Variants in RPS6KC1 observed in about 807,000 individuals in gnomAD.
RPS6KC1 encodes the protein inactive ribosomal protein S6 kinase delta-1.
A neutral mutation model predicts 103.8 loss-of-function variants in RPS6KC1; 54 were observed. That is an observed-to-expected ratio of 0.52 (90% CI 0.42 to 0.65). The LOEUF is 0.65. RPS6KC1 is among the 30% of genes least tolerant of loss of function. The pLI is 0.00. For missense variants in RPS6KC1, 1,151 were observed against 1,253.8 expected (o/e 0.92, Z 1.24); for synonymous variants, 439 against 438.7 (o/e 1.00, Z -0.01).
the RPS6KC1 span, among the ~76,000 whole-genome samples, chr1:213,808,186 A>G: frequency 1.5e-5 from 2 of 131,804 alleles, no homozygotes; most frequent in South Asian, 2.4e-4. Flanking sequence ...GTCTGCCCCT[A>G]CTGGGGGGGT....
At chr1:213,831,147 T>G in the RPS6KC1 span, among the ~76,000 whole-genome samples, 1 of 152,190 alleles carries the variant, frequency 6.6e-6, no homozygotes, top group Non-Finnish European at 1.5e-5. Context: ...TTCTCTCTGG[T>G]GGTAGGCAGA....
chr1:213,684,265 C>T, the RPS6KC1 span, among the ~76,000 whole-genome samples: 2 of 152,100 alleles, frequency 1.3e-5, no homozygotes, highest in African/African-American at 4.8e-5. Context: ...CACAGCAACC[C>T]GGGGAGCTTT....
intron 8 of RPS6KC1, among the ~76,000 whole-genome samples, chr1:213,216,296 A>C (rs2093657644): frequency 6.6e-6 from 1 of 152,238 alleles, no homozygotes; most frequent in Non-Finnish European, 1.5e-5. Context: ...CATAATGGTA[A>C]AGGGATCAAT....
At chr1:213,841,495 C>T in the RPS6KC1 span, 1 of 152,154 alleles carries the variant, frequency 6.6e-6, no homozygotes, top group Admixed American at 6.5e-5. Flanking sequence ...GACAGCCAAG[C>T]AAACCATGAA....
chr1:213,143,456 A>G (rs370170796), intron 6 of RPS6KC1, among the ~76,000 whole-genome samples: 5 of 151,342 alleles, frequency 3.3e-5, no homozygotes, highest in South Asian at 2.1e-4. Flanking sequence ...TATTTTATAG[A>G]TTTGTATTCC....
chr1:213,704,395 A>AC, the RPS6KC1 span, among the ~76,000 whole-genome samples: 2 of 149,794 alleles, frequency 1.3e-5, no homozygotes, highest in East Asian at 1.9e-4. Flanking sequence ...CAAAAAAAAA[A>AC]AAAAAAAAAA....
chr1:213,120,989 G>A (rs1026386796), intron 5 of RPS6KC1, among the ~76,000 whole-genome samples: 1 of 152,198 alleles, frequency 6.6e-6, no homozygotes. Flanking sequence ...GTCTCACCGT[G>A]TTACCCAGGC....
chr1:213,227,170 T>C (rs1219001056), intron 8 of RPS6KC1, among the ~76,000 whole-genome samples: 1 of 152,220 alleles, frequency 6.6e-6, no homozygotes, highest in East Asian at 1.9e-4. Context: ...GTGCCTGATA[T>C]AAAGGAAGTG....
chr1:213,402,140 A>G, the RPS6KC1 span, among the ~76,000 whole-genome samples: 8 of 152,206 alleles, frequency 5.3e-5, no homozygotes, highest in Non-Finnish European at 1.0e-4. Context: ...CCAAGGAGCC[A>G]GGAGTGGTGT....
At chr1:213,514,123 G>T in the RPS6KC1 span, among the ~76,000 whole-genome samples, 2 of 152,182 alleles carry the variant, frequency 1.3e-5, no homozygotes, top group African/African-American at 2.4e-5. Flanking sequence ...AAATTCTAAA[G>T]TGTCTCATTT....
At chr1:213,117,746 G>T (rs2083830769) in intron 5 of RPS6KC1, among the ~76,000 whole-genome samples, 1 of 151,778 alleles carries the variant, frequency 6.6e-6, no homozygotes, top group Non-Finnish European at 1.5e-5. Flanking sequence ...TACTTGGCCA[G>T]GCATGGTGGC....
chr1:213,677,368 C>G, the RPS6KC1 span, among the ~76,000 whole-genome samples: 1 of 152,126 alleles, frequency 6.6e-6, no homozygotes, highest in Non-Finnish European at 1.5e-5. Context: ...CTCGGGAGAT[C>G]CATTTATAAA....
chr1:213,310,140 C>CA, the RPS6KC1 span, among the ~76,000 whole-genome samples: 1 of 152,178 alleles, frequency 6.6e-6, no homozygotes, highest in African/African-American at 2.4e-5. Context: ...AGTGGCTTTC[C>CA]AATTGGTTTC....
At chr1:213,435,197 C>T in the RPS6KC1 span, among the ~76,000 whole-genome samples, 2 of 152,158 alleles carry the variant, frequency 1.3e-5, no homozygotes, top group African/African-American at 2.4e-5. Flanking sequence ...CCATCTCAGA[C>T]ATTGTAGTTT....
chr1:213,304,005 A>G, the RPS6KC1 span, among the ~76,000 whole-genome samples: 1 of 151,486 alleles, frequency 6.6e-6, no homozygotes, highest in Non-Finnish European at 1.5e-5. Context: ...GGAGATCGAG[A>G]CCATCCCGGC....
At chr1:213,621,283 C>T in the RPS6KC1 span, among the ~76,000 whole-genome samples, 1 of 152,144 alleles carries the variant, frequency 6.6e-6, no homozygotes, top group Non-Finnish European at 1.5e-5. Context: ...AAGCCAGTGT[C>T]ATTCTGGACT....
the RPS6KC1 span, among the ~76,000 whole-genome samples, chr1:213,529,925 A>C: frequency 8.5e-5 from 13 of 152,228 alleles, no homozygotes; most frequent in South Asian, 2.7e-3. Flanking sequence ...CATCCCATCT[A>C]TTCTATTTTG....
At chr1:213,519,088 G>A in the RPS6KC1 span, among the ~76,000 whole-genome samples, 103 of 152,290 alleles carry the variant, frequency 6.8e-4, no homozygotes, top group Non-Finnish European at 1.2e-3. Context: ...AAGCAAGTGG[G>A]AAAAATAACC....
chr1:213,755,407 TC>T, the RPS6KC1 span, among the ~76,000 whole-genome samples: 1 of 152,210 alleles, frequency 6.6e-6, no homozygotes, highest in Non-Finnish European at 1.5e-5. Context: ...ATGTCCTGCC[TC>T]CCATTGGTCA....
Sources: allele counts gnomAD v4.1 joint callset (sites outside exome capture counted in the v4.1 genomes callset), GRCh38; gene constraint gnomAD v4.1.1; transcripts MANE v1.5; gene names NCBI Gene and HGNC (gene_info 2026-07-23, HGNC 2026-07-21).